ADAMTS17: variants seen among roughly 807,000 people sequenced by gnomAD.
ADAMTS17 encodes the protein A disintegrin and metalloproteinase with thrombospondin motifs 17.
Under a neutral mutation model 141.5 loss-of-function variants are expected in ADAMTS17, and 113 were observed. The ratio of observed to expected loss-of-function variants is 0.80; its 90% confidence interval spans 0.69 to 0.93. The LOEUF is 0.93. Among genes scored for constraint, ADAMTS17 ranks in the 40% least tolerant of loss-of-function variants. The pLI, the probability that ADAMTS17 is intolerant of heterozygous loss-of-function variation, is 0.00. For synonymous variants in ADAMTS17, 768 were observed against 630.6 expected, an observed-to-expected ratio of 1.22 and a Z score of -3.27; for missense variants, 1,659 against 1,517.9, an observed-to-expected ratio of 1.09 and a Z score of -1.54.
At chr15:100,218,228 C>T (rs148733080) in intron 7 of ADAMTS17, among the ~76,000 whole-genome samples, 2 of 152,316 alleles carry the variant, frequency 1.3e-5, no homozygotes, top group Admixed American at 6.5e-5. Context: ...TTTGAGATGA[C>T]AGATATGCTA....
At chr15:100,335,262 G>C (rs967888488) in intron 2 of ADAMTS17, among the ~76,000 whole-genome samples, 8 of 152,104 alleles carry the variant, frequency 5.3e-5, no homozygotes, top group African/African-American at 1.7e-4. Flanking sequence ...GGCACCCAGA[G>C]ACCTGCCCCA....
chr15:100,074,197 C>A (rs968709563), intron 15 of ADAMTS17: 11 of 152,936 alleles, frequency 7.2e-5, no homozygotes, highest in African/African-American at 2.4e-4. Flanking sequence ...AGTCATTTTT[C>A]TTTTCTAAAT....
rs367991535 is a variant in ADAMTS17 at position 100,152,673 on chromosome 15, C to T, written c.1412G>A (p.Ser471Asn). 8 of 1,614,194 alleles carry T rather than the reference C, an allele frequency of 5.0e-6. No homozygotes were observed. The highest frequency in any genetic ancestry group is 2.2e-5 in the East Asian group (1 of 44,874). ...CAGGATCTGGCACTGCTCGTTGGCA[C>T]TGTAGTGCATGCCCGGCAGCTTGTG... ...LPHKLPGMHYSANEQCQILFG... is the reference protein window; with the variant it reads ...LPHKLPGMHYNANEQCQILFG... The change falls in exon 10 of 22, where the codon AGT becomes AAT. Residue 471 changes from serine (S) to asparagine (N), a missense_variant. Transcript: ENST00000268070.
chr15:100,299,689 T>C (rs12591332), intron 3 of ADAMTS17, among the ~76,000 whole-genome samples: 17,554 of 152,136 alleles, frequency 0.12, 1,391 homozygotes, highest in East Asian at 0.31. Context: ...TTTTGACAGA[T>C]GGTCTTTCAT....
intron 16 of ADAMTS17, 121 bp from the exon 17 acceptor site, chr15:100,051,852 TG>T (rs1433743609): frequency 8.4e-6 from 11 of 1,306,324 alleles, no homozygotes; most frequent in Non-Finnish European, 1.1e-5. Flanking sequence ...AGCTCTTTTC[TG>T]GGGCTGAAAA....
chr15:100,108,447 T>C (rs2036540891), intron 14 of ADAMTS17, among the ~76,000 whole-genome samples: 1 of 152,214 alleles, frequency 6.6e-6, no homozygotes, highest in Non-Finnish European at 1.5e-5. Context: ...GTGCTGGGAT[T>C]ATAGGCATGA....
chr15:100,159,343 T>G (rs2039584887), intron 8 of ADAMTS17, among the ~76,000 whole-genome samples: 1 of 152,260 alleles, frequency 6.6e-6, no homozygotes, highest in Non-Finnish European at 1.5e-5. Context: ...GACTTTATGT[T>G]AGGTGAAATC....
At chr15:100,300,848 C>T (rs755139093) in intron 3 of ADAMTS17, among the ~76,000 whole-genome samples, 3 of 152,222 alleles carry the variant, frequency 2.0e-5, no homozygotes, top group African/African-American at 4.8e-5. Context: ...GTATGTACAC[C>T]CCAAGTGCCA....
chr15:100,099,488 C>T (rs1483537201), intron 14 of ADAMTS17, among the ~76,000 whole-genome samples: 5 of 152,126 alleles, frequency 3.3e-5, no homozygotes, highest in East Asian at 1.9e-4. Flanking sequence ...GCTTGGTGTT[C>T]CAAGAGAACA....
At chr15:100,289,772 T>TCA (rs1438261087) in intron 3 of ADAMTS17, among the ~76,000 whole-genome samples, 1 of 152,200 alleles carries the variant, frequency 6.6e-6, no homozygotes, top group Non-Finnish European at 1.5e-5. Context: ...AGCCATATAA[T>TCA]CATCTCAATA....
intron 7 of ADAMTS17, among the ~76,000 whole-genome samples, chr15:100,238,600 G>T (rs1476763658): frequency 2.0e-5 from 3 of 152,214 alleles, no homozygotes; most frequent in African/African-American, 7.2e-5. Context: ...TACCTGCCAA[G>T]AACAAAATGA....
chr15:99,988,466 A>G (rs1263567619), intron 20 of ADAMTS17, among the ~76,000 whole-genome samples: 1 of 152,232 alleles, frequency 6.6e-6, no homozygotes, highest in Admixed American at 6.5e-5. Context: ...CTGCAGAACC[A>G]TGAGCCAAAT....
At chr15:100,090,130 C>G (rs1285943063) in intron 15 of ADAMTS17, among the ~76,000 whole-genome samples, 6 of 152,062 alleles carry the variant, frequency 3.9e-5, no homozygotes, top group Non-Finnish European at 8.8e-5. Context: ...TATTCTACAG[C>G]AAATCTCTCT....
At chr15:100,050,017 T>C (rs1173420348) in intron 17 of ADAMTS17, among the ~76,000 whole-genome samples, 1 of 152,220 alleles carries the variant, frequency 6.6e-6, no homozygotes, top group Non-Finnish European at 1.5e-5. Context: ...GCACAACTAT[T>C]TGGATCCTGG....
intron 21 of ADAMTS17, among the ~76,000 whole-genome samples, chr15:99,975,230 G>GA (rs1454399384): frequency 6.6e-6 from 1 of 152,210 alleles, no homozygotes; most frequent in African/African-American, 2.4e-5. Context: ...TTTTTGTTGA[G>GA]ATGGAGTCTT....
chr15:100,135,724 G>C (rs940372685), intron 10 of ADAMTS17, among the ~76,000 whole-genome samples: 1 of 152,164 alleles, frequency 6.6e-6, no homozygotes, highest in Non-Finnish European at 1.5e-5. Context: ...AACTCCTATA[G>C]ATCAATTAAG....
intron 7 of ADAMTS17, among the ~76,000 whole-genome samples, chr15:100,249,055 T>C (rs1755700635): frequency 6.6e-6 from 1 of 152,164 alleles, no homozygotes; most frequent in Admixed American, 6.5e-5. Context: ...CACCTCGGCC[T>C]CCCAAAGTGA....
intron 8 of ADAMTS17, among the ~76,000 whole-genome samples, chr15:100,179,790 G>C (rs755518443): frequency 6.6e-5 from 10 of 152,130 alleles, no homozygotes; most frequent in Non-Finnish European, 1.0e-4. Context: ...TTTCTCTGAT[G>C]ATCAATGATG....
chr15:100,327,441 TCAC>T (rs1383413077), intron 3 of ADAMTS17, among the ~76,000 whole-genome samples: 1 of 152,180 alleles, frequency 6.6e-6, no homozygotes, highest in Non-Finnish European at 1.5e-5. Context: ...TCCAGTGAGC[TCAC>T]CACCACTCAG....
Sources: allele counts gnomAD v4.1 joint callset (sites outside exome capture counted in the v4.1 genomes callset), GRCh38; gene constraint gnomAD v4.1.1; transcripts MANE v1.5; gene names NCBI Gene and HGNC (gene_info 2026-07-23, HGNC 2026-07-21).